ATP8A2: variants seen among roughly 807,000 people sequenced by gnomAD.
ATP8A2 encodes phospholipid-transporting ATPase IB.
Under a neutral mutation model 165.6 loss-of-function variants are expected in ATP8A2, and 100 were observed. That is an observed-to-expected ratio of 0.60 (90% confidence interval 0.51 to 0.71). ATP8A2 has a LOEUF of 0.71. Ranked by LOEUF, ATP8A2 falls within the 30% of genes least tolerant of loss-of-function variation. The probability of loss-of-function intolerance (pLI) is 0.00; values close to 1 mark genes in which losing one functional copy is unlikely to be tolerated. For synonymous variants in ATP8A2, 543 were observed against 548.8 expected, an observed-to-expected ratio of 0.99 and a Z score of 0.15; for missense variants, 1,227 against 1,479.5, an observed-to-expected ratio of 0.83 and a Z score of 2.80.
intron 33 of ATP8A2, among the ~76,000 whole-genome samples, chr13:25,909,499 C>T (rs150325011): frequency 6.6e-5 from 10 of 152,188 alleles, no homozygotes; most frequent in East Asian, 3.9e-4. Flanking sequence ...ATTAATTTTT[C>T]GTATTATTAT....
At chr13:25,862,430 TGTG>T in intron 33 of ATP8A2, 22 bp downstream of exon 33, 1 of 1,542,064 alleles carries the variant, frequency 6.5e-7, no homozygotes, top group Non-Finnish European at 9.0e-7. Context: ...TGATTGGGAG[TGTG>T]TCTTCTGTGT....
intron 27 of ATP8A2, among the ~76,000 whole-genome samples, chr13:25,786,813 G>T (rs963672118): frequency 6.8e-6 from 1 of 146,864 alleles, no homozygotes; most frequent in Admixed American, 6.9e-5. Context: ...CTGGAGTGCA[G>T]TGGTGGATCT....
intron 29 of ATP8A2, among the ~76,000 whole-genome samples, chr13:25,838,747 T>A (rs1481933317): frequency 6.6e-6 from 1 of 152,152 alleles, no homozygotes; most frequent in Admixed American, 6.5e-5. Context: ...TTAATCTGGC[T>A]TTAATAGTTA....
At chr13:25,708,102 T>C (rs948423488) in intron 25 of ATP8A2, among the ~76,000 whole-genome samples, 7 of 152,178 alleles carry the variant, frequency 4.6e-5, no homozygotes, top group South Asian at 2.1e-4. Flanking sequence ...TTTTTGACAA[T>C]ACTGCTTGCC....
intron 35 of ATP8A2, among the ~76,000 whole-genome samples, chr13:26,012,306 G>A (rs193018431): frequency 1.3e-5 from 2 of 152,288 alleles, no homozygotes; most frequent in East Asian, 1.9e-4. Flanking sequence ...CGAGCAGGAA[G>A]CGCTGGCTAA....
intron 27 of ATP8A2, among the ~76,000 whole-genome samples, chr13:25,791,528 AACACACACACACAT>A (rs1365922696): frequency 9.8e-6 from 1 of 102,044 alleles, no homozygotes; most frequent in African/African-American, 4.1e-5. Flanking sequence ...CCCGAACTTA[AACACACACACACAT>A]ACACACACAC....
chr13:25,410,446 A>G (rs987534491), intron 1 of ATP8A2, among the ~76,000 whole-genome samples: 9 of 152,222 alleles, frequency 5.9e-5, no homozygotes, highest in Admixed American at 2.6e-4. Flanking sequence ...ATTTTAAGTT[A>G]TTTGAACTCA....
chr13:25,836,767 C>T (rs1158264853), intron 28 of ATP8A2, among the ~76,000 whole-genome samples: 1 of 152,148 alleles, frequency 6.6e-6, no homozygotes, highest in Non-Finnish European at 1.5e-5. Context: ...CATTATGCTT[C>T]CTGAAATTTG....
intron 24 of ATP8A2, among the ~76,000 whole-genome samples, chr13:25,638,926 G>A (rs1415168317): frequency 1.3e-5 from 2 of 152,160 alleles, no homozygotes; most frequent in Non-Finnish European, 2.9e-5. Context: ...AACTCTACAA[G>A]CCAGAAGAGA....
chr13:25,937,737 T>C (rs1463313812), intron 33 of ATP8A2, among the ~76,000 whole-genome samples: 1 of 150,270 alleles, frequency 6.7e-6, no homozygotes, highest in Non-Finnish European at 1.5e-5. Context: ...TAGTCCTAGC[T>C]ACTTGGGAGG....
At chr13:25,755,354 C>G (rs2044238424) in intron 25 of ATP8A2, among the ~76,000 whole-genome samples, 1 of 151,582 alleles carries the variant, frequency 6.6e-6, no homozygotes, top group East Asian at 1.9e-4. Context: ...CTGATTCATT[C>G]CATCTCCAAA....
chr13:25,561,475 C>G (rs1412957779), intron 15 of ATP8A2, among the ~76,000 whole-genome samples: 1 of 152,072 alleles, frequency 6.6e-6, no homozygotes, highest in Admixed American at 6.6e-5. Context: ...ATTCCCCTAA[C>G]TTCGCTTTTG....
intron 24 of ATP8A2, among the ~76,000 whole-genome samples, chr13:25,680,170 A>G (rs113405082): frequency 6.6e-6 from 1 of 152,192 alleles, no homozygotes; most frequent in African/African-American, 2.4e-5. Flanking sequence ...CCCCCTGCAC[A>G]GTATCTTAGA....
intron 33 of ATP8A2, among the ~76,000 whole-genome samples, chr13:25,920,141 C>CTT (rs1404927514): frequency 6.6e-6 from 1 of 152,146 alleles, no homozygotes; most frequent in Non-Finnish European, 1.5e-5. Context: ...TCTTCAGATT[C>CTT]TTTTTGTGTT....
intron 24 of ATP8A2, among the ~76,000 whole-genome samples, chr13:25,623,588 T>C (rs1159826472): frequency 6.6e-6 from 1 of 152,230 alleles, no homozygotes; most frequent in Non-Finnish European, 1.5e-5. Flanking sequence ...TGAAACATAG[T>C]AGTTTTTCTA....
At chr13:25,552,101 C>T in intron 11 of ATP8A2, among the ~76,000 whole-genome samples, 1 of 152,112 alleles carries the variant, frequency 6.6e-6, no homozygotes, top group East Asian at 1.9e-4. Flanking sequence ...ATTCTCCTGC[C>T]TCAGCCTCCT....
chr13:25,618,659 T>C (rs1236748602), intron 24 of ATP8A2, among the ~76,000 whole-genome samples: 1 of 150,280 alleles, frequency 6.7e-6, no homozygotes, highest in Non-Finnish European at 1.5e-5. Context: ...ATTATGTCCC[T>C]CCATTAAAGT....
At chr13:25,920,253 C>T (rs548295236) in intron 33 of ATP8A2, among the ~76,000 whole-genome samples, 7 of 152,298 alleles carry the variant, frequency 4.6e-5, no homozygotes, top group African/African-American at 1.7e-4. Context: ...CTCATTCTTC[C>T]TGAATGGTCC....
chr13:25,924,832 G>A (rs1049605757), intron 33 of ATP8A2, among the ~76,000 whole-genome samples: 2 of 152,120 alleles, frequency 1.3e-5, no homozygotes, highest in African/African-American at 2.4e-5. Flanking sequence ...TAGTGAATAA[G>A]TCTCACAATA....
Sources: allele counts gnomAD v4.1 joint callset (sites outside exome capture counted in the v4.1 genomes callset), GRCh38; gene constraint gnomAD v4.1.1; transcripts MANE v1.5; gene names NCBI Gene and HGNC (gene_info 2026-07-23, HGNC 2026-07-21).